The following ARHGAP5 variants were observed in gnomAD, a reference collection of about 807,000 sequenced individuals.
ARHGAP5 encodes the protein rho GTPase-activating protein 5.
Under a neutral mutation model 116.6 loss-of-function variants are expected in ARHGAP5, and 23 were observed. The ratio of observed to expected loss-of-function variants is 0.20; its 90% CI spans 0.14 to 0.28. ARHGAP5 has a LOEUF of 0.28. ARHGAP5 is among the 10% of genes least tolerant of loss of function. ARHGAP5 has a pLI of 1.00. For synonymous variants in ARHGAP5, 574 were observed against 602.0 expected (o/e 0.95, Z 0.68); for missense variants, 1,405 against 1,774.8 (o/e 0.79, Z 3.74).
intron 3 of ARHGAP5, among the ~76,000 whole-genome samples, chr14:32,124,191 G>A (rs1880033222): frequency 6.6e-6 from 1 of 152,114 alleles, no homozygotes; most frequent in African/African-American, 2.4e-5. Context: ...GGGGCATTCA[G>A]ACAGCTTGCC....
chr14:32,143,476 C>T (rs532698144), intron 3 of ARHGAP5, among the ~76,000 whole-genome samples: 3 of 152,162 alleles, frequency 2.0e-5, no homozygotes, highest in South Asian at 4.1e-4. Flanking sequence ...AATCTCCTGA[C>T]CTCGTGATCC....
At chr14:32,152,200 T>A (rs532056945) in intron 5 of ARHGAP5, among the ~76,000 whole-genome samples, 5 of 152,082 alleles carry the variant, frequency 3.3e-5, no homozygotes, top group African/African-American at 1.2e-4. Flanking sequence ...CCTGAAACCA[T>A]CCCCCCACCC....
intron 2 of ARHGAP5, among the ~76,000 whole-genome samples, chr14:32,115,206 C>CAAA: frequency 6.6e-6 from 1 of 152,192 alleles, no homozygotes; most frequent in Admixed American, 6.5e-5. Flanking sequence ...GTTTGATTCC[C>CAAA]AAAAATACTT....
At chr14:32,143,362 C>T (rs1881227883) in intron 3 of ARHGAP5, among the ~76,000 whole-genome samples, 1 of 152,060 alleles carries the variant, frequency 6.6e-6, no homozygotes, top group African/African-American at 2.4e-5. Context: ...TCTGCCTCAG[C>T]TTCCAAAGTA....
chr14:32,145,931 T>A (rs553322397), intron 3 of ARHGAP5, among the ~76,000 whole-genome samples: 25 of 152,274 alleles, frequency 1.6e-4, no homozygotes, highest in Non-Finnish European at 2.6e-4. Flanking sequence ...AGATGTATAT[T>A]GGTTTTTTGT....
At chr14:32,147,884 G>T (rs1881452796) in intron 4 of ARHGAP5, among the ~76,000 whole-genome samples, 1 of 152,136 alleles carries the variant, frequency 6.6e-6, no homozygotes, top group Non-Finnish European at 1.5e-5. Flanking sequence ...CAGTCACAGT[G>T]GCTCACCCCT....
At chr14:32,095,405 T>G (rs895958973) in intron 2 of ARHGAP5, among the ~76,000 whole-genome samples, 3 of 150,750 alleles carry the variant, frequency 2.0e-5, no homozygotes, top group Middle Eastern at 3.4e-3. Flanking sequence ...AACTTTGTTT[T>G]TTTTTTTTTT....
At position 32,091,430 on chromosome 14, in the gene ARHGAP5, A is replaced by G; in HGVS notation, c.761A>G (p.Lys254Arg). 1 of 1,610,816 alleles carries G rather than the reference A, an allele frequency of 6.2e-7. No homozygotes were observed. The highest frequency in any genetic ancestry group is 1.7e-4 in the Middle Eastern group (1 of 6,032). Residue 254 changes from lysine (K) to arginine (R), a missense_variant, in exon 2 of 7, where the codon AAA (lysine) becomes AGA (arginine). Around this residue, in one of 6 missense-constraint regions of ARHGAP5, gnomAD observed 190 missense variants for 314.9 expected, o/e 0.60. Coordinates refer to ENST00000345122, the MANE Select transcript of ARHGAP5 (RefSeq NM_001030055.2). The stretch of plus-strand genomic sequence containing the variant: ...TTGGATAAAACTCGTAGCAAGCCTA[A>G]AATTATTCCCTATTTGGATGCTTAT... ...QMLDKTRSKP[K>R]IIPYLDAYKT...
At chr14:32,123,487 T>C (rs1053120747) in intron 3 of ARHGAP5, among the ~76,000 whole-genome samples, 1 of 152,108 alleles carries the variant, frequency 6.6e-6, no homozygotes, top group African/African-American at 2.4e-5. Flanking sequence ...AAATTTATAA[T>C]AGCCATTTTA....
At chr14:32,113,579 C>T (rs529905624) in intron 2 of ARHGAP5, among the ~76,000 whole-genome samples, 82 of 152,290 alleles carry the variant, frequency 5.4e-4, no homozygotes, top group African/African-American at 1.9e-3. Flanking sequence ...GACCTTGGGA[C>T]GTATTTACTG....
chr14:32,140,094 G>GTTTTTTTT (rs1566681674), intron 3 of ARHGAP5, among the ~76,000 whole-genome samples: 48 of 32,352 alleles, frequency 1.5e-3, no homozygotes, highest in Admixed American at 2.0e-3. Context: ...TAGGTTATTT[G>GTTTTTTTT]TTCTTTTTTT....
At chr14:32,145,626 G>C (rs1287048049) in intron 3 of ARHGAP5, among the ~76,000 whole-genome samples, 1 of 152,090 alleles carries the variant, frequency 6.6e-6, no homozygotes, top group African/African-American at 2.4e-5. Context: ...CGTTCTTCAA[G>C]TTTCTAAGTC....
At chr14:32,122,191 C>G (rs570260474) in intron 3 of ARHGAP5, among the ~76,000 whole-genome samples, 8 of 152,206 alleles carry the variant, frequency 5.3e-5, no homozygotes, top group African/African-American at 1.7e-4. Flanking sequence ...GTTTATTTTT[C>G]TTTTTGATTA....
At chr14:32,118,274 G>A (rs1322381858) in intron 3 of ARHGAP5, among the ~76,000 whole-genome samples, 3 of 152,036 alleles carry the variant, frequency 2.0e-5, no homozygotes, top group Admixed American at 6.6e-5. Context: ...TGAGGCAGTC[G>A]GATCACAAGG....
intron 2 of ARHGAP5, among the ~76,000 whole-genome samples, chr14:32,097,415 A>G (rs1156678216): frequency 6.6e-6 from 1 of 152,202 alleles, no homozygotes; most frequent in Non-Finnish European, 1.5e-5. Context: ...CAGAAGAAAG[A>G]CTTGATAAAA....
chr14:32,089,524 A>C (rs376992920), intron 1 of ARHGAP5, among the ~76,000 whole-genome samples: 20 of 152,086 alleles, frequency 1.3e-4, no homozygotes, highest in African/African-American at 4.8e-4. Flanking sequence ...TATTACCTAC[A>C]TGAAAACAAG....
At chr14:32,140,504 G>A (rs566861269) in intron 3 of ARHGAP5, among the ~76,000 whole-genome samples, 2 of 152,032 alleles carry the variant, frequency 1.3e-5, no homozygotes, top group Admixed American at 6.5e-5. Context: ...GCAGGAGAAC[G>A]GTGTGAACCC....
intron 2 of ARHGAP5, among the ~76,000 whole-genome samples, chr14:32,109,834 T>C (rs181815891): frequency 1.3e-5 from 2 of 152,280 alleles, no homozygotes; most frequent in African/African-American, 4.8e-5. Context: ...CCGTGAACAT[T>C]CCTGTAGATG....
Position 32,077,344 on chromosome 14 carries a change from G to C in ARHGAP5, c.-260G>C, listed in dbSNP as rs750592951. 1.3e-5 allele frequency: 9 copies of C among 697,120 alleles called. No individual in the cohort carries two copies. The highest frequency in any genetic ancestry group is 2.1e-5 in the Non-Finnish European group (8 of 383,436). The allele number at this position is 697,120 out of a possible 1,614,324, so 43.2% of individuals were successfully genotyped here. A position where few individuals can be genotyped will look rare whatever the true frequency, so the allele number is the denominator to read the frequency against. Reference sequence around the variant, plus strand: ...GCGGAGAGTGGAGGAGGAGGCGGCGGCGGCGGGAGCGGTCCCCAGGAATGT... The same window carrying C: ...GCGGAGAGTGGAGGAGGAGGCGGCGCCGGCGGGAGCGGTCCCCAGGAATGT... On this transcript the variant is annotated 5_prime_UTR_variant, in exon 1 of 7. Transcript: ENST00000345122.
Sources: allele counts gnomAD v4.1 joint callset (sites outside exome capture counted in the v4.1 genomes callset), GRCh38; gene constraint gnomAD v4.1.1; regional missense constraint gnomAD v4.1.1; transcripts MANE v1.5; gene names NCBI Gene and HGNC (gene_info 2026-07-23, HGNC 2026-07-21).